CDX1: variants seen among roughly 807,000 people sequenced by gnomAD.
The protein encoded by CDX1 is caudal type homeobox 1.
In CDX1, 9 loss-of-function variants were observed where a neutral mutation model predicts 16.9. The observed-to-expected ratio is 0.53, with a 90% CI of 0.32 to 0.93. The LOEUF is 0.93. Ranked by LOEUF, CDX1 falls within the 40% of genes least tolerant of loss-of-function variation. The pLI, the probability that CDX1 is intolerant of heterozygous loss-of-function variation, is 0.04. For missense variants in CDX1, 393 were observed against 386.1 expected (o/e 1.02, Z -0.15); for synonymous variants, 179 against 179.0 (o/e 1.00, Z 0.00).
chr5:150,167,597 G>C (rs1008864789), intron 1 of CDX1, among the ~76,000 whole-genome samples: 3 of 152,246 alleles, frequency 2.0e-5, no homozygotes, highest in South Asian at 2.1e-4. Context: ...CGCGGAGCAA[G>C]ACCCGAACTA....
At chr5:150,179,555 T>C (rs1761614345) in intron 1 of CDX1, among the ~76,000 whole-genome samples, 1 of 152,178 alleles carries the variant, frequency 6.6e-6, no homozygotes, top group Non-Finnish European at 1.5e-5. Flanking sequence ...ACCTATGAAA[T>C]GGCTCTCATG....
At chr5:150,167,436 C>A in intron 1 of CDX1, 115 bp downstream of exon 1, 1 of 659,376 alleles carries the variant, frequency 1.5e-6, no homozygotes, top group Non-Finnish European at 2.1e-6. Context: ...GGAGTGTGGC[C>A]CTCCTGTCCA....
chr5:150,182,902 AC>A lies in CDX1; in HGVS notation c.581del (p.Thr194MetfsTer5). ...KSELAANLGL[T>X]ERQVKIWFQN... ...AGAGCTGGCTGCCAATCTGGGGCTCACTGAACGGCAGGTGTGTCTGTCTTCC... is the reference window on the plus strand; with the variant it reads ...AGAGCTGGCTGCCAATCTGGGGCTCATGAACGGCAGGTGTGTCTGTCTTCC... On this transcript the variant is annotated frameshift_variant, in exon 2 of 3. Transcript: ENST00000231656. LOFTEE classifies it low-confidence loss of function (END_TRUNC). The A allele has an allele frequency of 6.2e-7, 1 of 1,608,008 alleles. No homozygotes were observed. Among genetic ancestry groups the A allele is most frequent in the Non-Finnish European group, 8.5e-7 (1 of 1,177,208 alleles).
At chr5:150,178,535 C>T (rs1396544112) in intron 1 of CDX1, among the ~76,000 whole-genome samples, 2 of 152,218 alleles carry the variant, frequency 1.3e-5, no homozygotes, top group African/African-American at 2.4e-5. Context: ...TCACACACCT[C>T]CCTGCCCGCT....
At chr5:150,176,957 C>T (rs1455317212) in intron 1 of CDX1, among the ~76,000 whole-genome samples, 4 of 152,232 alleles carry the variant, frequency 2.6e-5, no homozygotes. Flanking sequence ...AGGGAGGAGT[C>T]ACAAAGGTTT....
chr5:150,175,721 C>T (rs1761561282), intron 1 of CDX1, among the ~76,000 whole-genome samples: 1 of 152,178 alleles, frequency 6.6e-6, no homozygotes, highest in African/African-American at 2.4e-5. Flanking sequence ...CAGTGGAGAG[C>T]CCTCCCCCTG....
At chr5:150,169,713 G>T (rs1466819917) in intron 1 of CDX1, among the ~76,000 whole-genome samples, 3 of 152,204 alleles carry the variant, frequency 2.0e-5, no homozygotes, top group African/African-American at 7.2e-5. Context: ...GAGGATCAGT[G>T]CATGCCACTG....
chr5:150,183,768 C>A lies in CDX1; in HGVS notation c.*88C>A. On this transcript the variant is annotated 3_prime_UTR_variant, in exon 3 of 3. Coordinates refer to ENST00000231656, the MANE Select transcript of CDX1 (RefSeq NM_001804.3). ...TGGGCCCAGGAGGTCTGGTCCGAGTCTCAGCCCTGACCTTCTGGGACATGG... is the reference window on the plus strand; with the variant it reads ...TGGGCCCAGGAGGTCTGGTCCGAGTATCAGCCCTGACCTTCTGGGACATGG... 1 of 1,125,580 alleles carries A rather than the reference C, an allele frequency of 8.9e-7. No individual in the cohort carries two copies. The highest frequency in any genetic ancestry group is 1.2e-6 in the Non-Finnish European group (1 of 812,114). 69.7% of individuals were successfully genotyped at this position (1,125,580 alleles called of 1,614,324 possible).
At chr5:150,167,530 C>G (rs1287324311) in intron 1 of CDX1, among the ~76,000 whole-genome samples, 2 of 152,226 alleles carry the variant, frequency 1.3e-5, no homozygotes, top group African/African-American at 4.8e-5. Context: ...CTAACCCTCT[C>G]TCTGTACAGA....
At chr5:150,183,431 C>G (rs370986045) in intron 2 of CDX1, 43 bp from the exon 3 acceptor site, 7 of 1,512,762 alleles carry the variant, frequency 4.6e-6, no homozygotes, top group Non-Finnish European at 6.3e-6. Flanking sequence ...CTCTTTCACT[C>G]TCTCCCTGCT....
At chr5:150,179,562 C>T (rs1019403628) in intron 1 of CDX1, among the ~76,000 whole-genome samples, 6 of 152,182 alleles carry the variant, frequency 3.9e-5, no homozygotes, top group Non-Finnish European at 7.4e-5. Context: ...AAATGGCTCT[C>T]ATGGGTCTGG....
intron 2 of CDX1, among the ~76,000 whole-genome samples, 200 bp from the exon 3 acceptor site, chr5:150,183,274 A>C (rs1331391492): frequency 6.6e-6 from 1 of 152,146 alleles, no homozygotes; most frequent in East Asian, 1.9e-4. Flanking sequence ...GTTACAAAGA[A>C]GGGCATCTCC....
intron 1 of CDX1, among the ~76,000 whole-genome samples, chr5:150,169,516 C>G (rs1487245873): frequency 1.3e-5 from 2 of 152,104 alleles, no homozygotes; most frequent in African/African-American, 4.8e-5. Flanking sequence ...CCTGTCTTCC[C>G]AGGGCATCTG....
At chr5:150,172,107 C>T (rs548563510) in intron 1 of CDX1, among the ~76,000 whole-genome samples, 4 of 152,320 alleles carry the variant, frequency 2.6e-5, no homozygotes, top group Admixed American at 6.5e-5. Flanking sequence ...GCTCCTTCTC[C>T]GAGGCTGTCT....
Position 150,167,129 on chromosome 5 carries a change from G to A in CDX1, c.253G>A (p.Ala85Thr), listed in dbSNP as rs1239825318. The change falls in exon 1 of 3, where the codon GCC becomes ACC. Residue 85 changes from alanine to threonine, a missense_variant. Ala to Thr is a moderately conservative substitution (Grantham distance 58, BLOSUM62 0). Transcript: ENST00000231656. Reference protein sequence around the residue: ...AYGPGPAAPAASPASLAFGPP... With the variant: ...AYGPGPAAPATSPASLAFGPP... ...CGGCCCGGGCCCCGCGGCCCCTGCC[G>A]CCAGCCCAGCTTCGCTGGCATTCGG... 1 of 1,329,872 alleles carries A rather than the reference G, an allele frequency of 7.5e-7. No individual in the cohort carries two copies. The highest frequency in any genetic ancestry group is 3.2e-5 in the East Asian group (1 of 31,558). The allele number at this position is 1,329,872 out of a possible 1,614,324, so 82.4% of individuals were successfully genotyped here. A position where few individuals can be genotyped will look rare whatever the true frequency, so the allele number is the denominator to read the frequency against.
intron 1 of CDX1, among the ~76,000 whole-genome samples, chr5:150,168,968 T>C (rs765100894): frequency 1.3e-3 from 203 of 152,212 alleles, no homozygotes; most frequent in Non-Finnish European, 1.4e-3. Flanking sequence ...TTAAGAACCC[T>C]GTGTTCTATG....
At chr5:150,170,600 A>G (rs1761492123) in intron 1 of CDX1, among the ~76,000 whole-genome samples, 1 of 152,190 alleles carries the variant, frequency 6.6e-6, no homozygotes, top group African/African-American at 2.4e-5. Flanking sequence ...TGTCAAGCCA[A>G]GCAGTTCAGG....
rs940576206 is a variant in CDX1, at chr5:150,173,713, G to T, written c.445+6392G>T. Among the ~76,000 whole-genome samples, 5 of 152,232 alleles carry T rather than the reference G, an allele frequency of 3.3e-5. 1 individual carries two copies. The highest frequency in any genetic ancestry group is 1.2e-4 in the African/African-American group (5 of 41,458). Reference sequence around the variant, plus strand: ...CCAGCATCTATTGGGTGCTCAGTGTGTTCAGCATTTTTTCAAATGCAAGAT... The same window carrying T: ...CCAGCATCTATTGGGTGCTCAGTGTTTTCAGCATTTTTTCAAATGCAAGAT... On this transcript the variant is annotated intron_variant, in intron 1 of 2. Coordinates refer to ENST00000231656, the MANE Select transcript of CDX1 (RefSeq NM_001804.3).
intron 1 of CDX1, among the ~76,000 whole-genome samples, chr5:150,179,247 TTG>T (rs1761610597): frequency 6.6e-6 from 1 of 152,066 alleles, no homozygotes; most frequent in African/African-American, 2.4e-5. Context: ...TGCACGAAAA[TTG>T]TGTGTTTCAA....
Sources: gnomAD v4.1 joint callset for allele counts (sites outside exome capture counted in the v4.1 genomes callset) on GRCh38, gnomAD v4.1.1 for gene constraint, MANE v1.5 for transcripts, NCBI Gene and HGNC (gene_info 2026-07-23, HGNC 2026-07-21) for gene names.